The following GOLGB1 variants were observed in gnomAD, a reference collection of about 807,000 sequenced individuals.
GOLGB1 encodes golgin B1.
Under a neutral mutation model 336.9 loss-of-function variants are expected in GOLGB1, and 174 were observed. The observed-to-expected ratio is 0.52, with a 90% CI of 0.46 to 0.59. The LOEUF (loss-of-function observed/expected upper bound fraction) is 0.59. Among genes scored for constraint, GOLGB1 ranks in the 20% least tolerant of loss-of-function variants. The pLI, the probability that GOLGB1 is intolerant of heterozygous loss-of-function variation, is 0.00. For missense variants in GOLGB1, 3,331 were observed against 3,645.3 expected, an observed-to-expected ratio of 0.91 and a Z score of 2.22; for synonymous variants, 1,208 against 1,289.2, an observed-to-expected ratio of 0.94 and a Z score of 1.35.
At position 121,716,911 on chromosome 3, in the gene GOLGB1, C is replaced by T; in HGVS notation, c.1114G>A (p.Glu372Lys). Residue 372 changes from glutamate (E) to lysine (K), a missense_variant, in exon 9 of 22, where the codon GAG becomes AAG. By Grantham distance (56) the Glu-to-Lys change is moderately conservative (BLOSUM62 1). Transcript: ENST00000614479. ...AELESRYSAL[E>K]QKHKAEMEEK... is the part of the protein sequence containing the mutation. ...TCCATTTCTGCTTTGTGCTTCTGCT[C>T]CAAAGCACTATACCGAGACTCTAGT... is the stretch of plus-strand genomic sequence containing the variant. 6.2e-7 allele frequency: 1 copy of T among 1,613,696 alleles called. No homozygotes were observed. The highest frequency in any genetic ancestry group is 8.5e-7 in the Non-Finnish European group (1 of 1,179,618).
In GOLGB1 at chr3:121,691,454, G is replaced by A. The variant is rs1400380511; in HGVS notation, c.7910C>T (p.Ala2637Val). Residue 2637 changes from alanine (A) to valine (V), a missense_variant, in exon 14 of 22, where the codon GCC becomes GTC. Ala to Val is a moderately conservative substitution (Grantham distance 64). Transcript: ENST00000614479. The stretch of plus-strand genomic sequence containing the variant: ...CTCTTCTTCTTTTACTTTTAACTGG[G>A]CATGATAGAGTCCTAAAGTACCTTC... ...QEEGTLGLYH[A>V]QLKVKEEEVH... The A allele has an allele frequency of 6.2e-7, 1 of 1,613,654 alleles. No individual in the cohort carries two copies. The highest frequency in any genetic ancestry group is 8.5e-7 in the Non-Finnish European group (1 of 1,179,956).
chr3:121,726,361 C>A (rs75099565), intron 5 of GOLGB1, among the ~76,000 whole-genome samples: 1 of 137,406 alleles, frequency 7.3e-6, no homozygotes, highest in Admixed American at 8.0e-5. Context: ...TTGAACCTGG[C>A]AAGCAGAGGT....
At chr3:121,677,573 G>C in intron 15 of GOLGB1, 123 bp from the exon 16 acceptor site, 1 of 657,836 alleles carries the variant, frequency 1.5e-6, no homozygotes, top group Non-Finnish European at 2.6e-6. Context: ...GGTAAAGAAA[G>C]AAAGGCTAAG....
At chr3:121,665,350 G>A (rs1189416343) in intron 20 of GOLGB1, among the ~76,000 whole-genome samples, 4 of 152,226 alleles carry the variant, frequency 2.6e-5, no homozygotes, top group African/African-American at 9.6e-5. Flanking sequence ...GGCTTACAGA[G>A]GTTAAATTAC....
intron 17 of GOLGB1, among the ~76,000 whole-genome samples, chr3:121,671,493 T>C (rs918356567): frequency 6.6e-6 from 1 of 152,210 alleles, no homozygotes; most frequent in African/African-American, 2.4e-5. Context: ...ACCTCCCAGA[T>C]ACTTAAAAAA....
At position 121,708,092 on chromosome 3, in the gene GOLGB1, C is replaced by T. The variant is rs184924336; in HGVS notation, c.1405-5497G>A. Among the ~76,000 whole-genome samples, 5 of 152,216 alleles carry T rather than the reference C, an allele frequency of 3.3e-5. No individual in the cohort carries two copies. In the East Asian group the frequency reaches 9.6e-4, roughly 29 times the overall value. On this transcript the variant is annotated intron_variant, in intron 10 of 21. Transcript: ENST00000614479. ...GCTGTTTACAACATACTCAACAATA[C>T]AATGGAATGAATTATTACTAAACAA...
rs149173843 is a variant in GOLGB1 at position 121,698,827 on chromosome 3, C to T, written c.1696G>A (p.Val566Ile). ...GCTTCTTTCATTTCCAACAATAAAA[C>T]TGATAATTCTTTATGTTTCTGAGAA... ...TFSQKHKELS[V>I]LLLEMKEAQE... is the part of the protein sequence containing the mutation. The change falls in exon 13 of 22, where the codon GTT becomes ATT. Residue 566 changes from valine (V) to isoleucine (I), a missense_variant. Coordinates refer to ENST00000614479, the MANE Select transcript of GOLGB1 (RefSeq NM_001366282.2). 2.5e-4 allele frequency: 407 copies of T among 1,612,586 alleles called. No homozygotes were observed. Among genetic ancestry groups the T allele is most frequent in the Non-Finnish European group, 2.6e-4 (308 of 1,179,028 alleles).
At chr3:121,668,331 C>T in intron 18 of GOLGB1, 173 bp from the exon 19 acceptor site, 1 of 452,362 alleles carries the variant, frequency 2.2e-6, no homozygotes, top group Non-Finnish European at 3.9e-6. Flanking sequence ...AAACTCTTGT[C>T]TTGATTAGAT....
At position 121,681,704 on chromosome 3, in the gene GOLGB1, A is replaced by G; in HGVS notation, c.8856T>C (p.His2952=). Residue 2952 remains histidine, a synonymous_variant, in exon 15 of 22, where the codon CAT becomes CAC. Transcript: ENST00000614479. ...TATAGTACCTGAGCTGATGCAGCTC[A>G]TGCTGCCAGGAGAGGTTTTCCTGCC... ...ELRQENLSWQ[H]ELHQLRMEKS... 6.2e-7 allele frequency: 1 copy of G among 1,606,210 alleles called. No homozygotes were observed. Among genetic ancestry groups the G allele is most frequent in the South Asian group, 1.1e-5 (1 of 90,146 alleles).
chr3:121,744,958 G>A (rs71329234), intron 1 of GOLGB1, among the ~76,000 whole-genome samples: 2,054 of 152,224 alleles, frequency 0.013, 23 homozygotes, highest in Admixed American at 0.02. Context: ...ACCTTAAAGC[G>A]TCAGTTTCCT....
intron 6 of GOLGB1, 31 bp downstream of exon 6, chr3:121,722,231 G>T: frequency 1.6e-6 from 2 of 1,231,142 alleles, no homozygotes; most frequent in Non-Finnish European, 2.4e-6. Flanking sequence ...GGACTTCATA[G>T]CTCTTTATCC....
At chr3:121,680,975 C>T (rs1941006679) in intron 15 of GOLGB1, among the ~76,000 whole-genome samples, 1 of 152,196 alleles carries the variant, frequency 6.6e-6, no homozygotes, top group Non-Finnish European at 1.5e-5. Context: ...AGCATTTGCA[C>T]TCCTGGGCAA....
intron 1 of GOLGB1, among the ~76,000 whole-genome samples, chr3:121,735,293 A>T (rs1461481937): frequency 1.3e-5 from 2 of 152,206 alleles, no homozygotes; most frequent in Non-Finnish European, 2.9e-5. Context: ...CAATTTTTTT[A>T]AAACCTCAGC....
At position 121,697,510 on chromosome 3, in the gene GOLGB1, T is replaced by TA. The variant is rs762494281; in HGVS notation, c.3012dup (p.Ile1005TyrfsTer2). 4 of 1,612,810 alleles carry TA rather than the reference T, an allele frequency of 2.5e-6. No homozygotes were observed. Among genetic ancestry groups the TA allele is most frequent in the Non-Finnish European group, 3.4e-6 (4 of 1,179,694 alleles). On this transcript the variant is annotated frameshift_variant, in exon 13 of 22. Coordinates refer to ENST00000614479, the MANE Select transcript of GOLGB1 (RefSeq NM_001366282.2). LOFTEE classifies it high-confidence loss of function. ...CTTTGCAGAAGCTCCTTTCTGTTAA[T>TA]AAGAGCTGCCTGGAGCTTTCTCTTT...
At chr3:121,687,232 A>C (rs1442811962) in intron 14 of GOLGB1, among the ~76,000 whole-genome samples, 1 of 152,230 alleles carries the variant, frequency 6.6e-6, no homozygotes, top group Non-Finnish European at 1.5e-5. Flanking sequence ...ACTGCACTCC[A>C]GCCTGGGTGA....
chr3:121,678,514 C>T (rs752267330), intron 15 of GOLGB1, among the ~76,000 whole-genome samples: 2 of 152,116 alleles, frequency 1.3e-5, no homozygotes, highest in African/African-American at 2.4e-5. Flanking sequence ...GCTTGATCAG[C>T]AGCAATGTCC....
At chr3:121,707,602 T>C (rs1943993243) in intron 10 of GOLGB1, among the ~76,000 whole-genome samples, 2 of 149,272 alleles carry the variant, frequency 1.3e-5, no homozygotes, top group South Asian at 2.1e-4. Flanking sequence ...CACTGCACTG[T>C]AGCCTGGGTG....
chr3:121,733,994 T>C (rs1946301883), intron 1 of GOLGB1, among the ~76,000 whole-genome samples: 2 of 152,204 alleles, frequency 1.3e-5, no homozygotes, highest in African/African-American at 4.8e-5. Flanking sequence ...AATGAGCTTT[T>C]AGACACCAAA....
In GOLGB1 at chr3:121,677,374, G is replaced by C. The variant is rs751024357; in HGVS notation, c.8950C>G (p.Gln2984Glu). ...AGATTCTGCAGATGACTGAGCTGCTGATCTTTATCTGAGATAGCCATAAGG... is the reference window on the plus strand; with the variant it reads ...AGATTCTGCAGATGACTGAGCTGCTCATCTTTATCTGAGATAGCCATAAGG... ...QYLMAISDKD[Q>E]QLSHLQNLIR... Residue 2984 changes from glutamine (Q) to glutamate (E), a missense_variant, in exon 16 of 22, where the codon CAG becomes GAG. Coordinates refer to ENST00000614479, the MANE Select transcript of GOLGB1 (RefSeq NM_001366282.2). 1.2e-6 allele frequency: 2 copies of C among 1,605,244 alleles called. No individual in the cohort carries two copies. Among genetic ancestry groups the C allele is most frequent in the Admixed American group, 3.3e-5 (2 of 60,014 alleles).
Sources: allele counts gnomAD v4.1 joint callset (sites outside exome capture counted in the v4.1 genomes callset), GRCh38; gene constraint gnomAD v4.1.1; transcripts MANE v1.5; gene names NCBI Gene and HGNC (gene_info 2026-07-23, HGNC 2026-07-21).